The following ADCY2 variants were observed in gnomAD, a reference collection of about 807,000 sequenced individuals.
The protein encoded by ADCY2 is adenylate cyclase type 2.
Under a neutral mutation model 125.2 loss-of-function variants are expected in ADCY2, and 31 were observed. That is an observed-to-expected ratio of 0.25 (90% confidence interval 0.19 to 0.33). The LOEUF is 0.33. ADCY2 is among the 10% of genes least tolerant of loss of function. ADCY2 has a pLI of 1.00. For missense variants in ADCY2, 904 were observed against 1,418.2 expected (o/e 0.64, Z 5.82); for synonymous variants, 512 against 548.4 (o/e 0.93, Z 0.93).
intron 1 of ADCY2, among the ~76,000 whole-genome samples, chr5:7,411,060 C>T (rs1406883027): frequency 6.6e-6 from 1 of 152,174 alleles, no homozygotes; most frequent in Non-Finnish European, 1.5e-5. Context: ...CCTGTAAGCT[C>T]GTACATCCTC....
At chr5:7,434,956 A>G (rs1252179874) in intron 2 of ADCY2, among the ~76,000 whole-genome samples, 1 of 152,202 alleles carries the variant, frequency 6.6e-6, no homozygotes. Flanking sequence ...TTATTATTCA[A>G]TTGCTATTAA....
At chr5:7,809,175 C>A (rs1744856348) in intron 22 of ADCY2, among the ~76,000 whole-genome samples, 1 of 152,120 alleles carries the variant, frequency 6.6e-6, no homozygotes, top group Admixed American at 6.5e-5. Flanking sequence ...GGTACCATTG[C>A]TGACTCAAAT....
chr5:7,530,413 C>T (rs193031952), intron 3 of ADCY2, among the ~76,000 whole-genome samples: 2 of 152,172 alleles, frequency 1.3e-5, no homozygotes, highest in Admixed American at 1.3e-4. Flanking sequence ...GATTGACTGC[C>T]CTGACACTCA....
chr5:7,450,183 G>C (rs1741421611), intron 2 of ADCY2, among the ~76,000 whole-genome samples: 1 of 152,208 alleles, frequency 6.6e-6, no homozygotes, highest in Non-Finnish European at 1.5e-5. Flanking sequence ...AGGAAGGTAT[G>C]TCTTAAGTCA....
At chr5:7,798,473 G>C (rs1744492209) in intron 20 of ADCY2, 1 of 152,106 alleles carries the variant, frequency 6.6e-6, no homozygotes, top group Admixed American at 6.5e-5. Flanking sequence ...GGTGGAGAGA[G>C]AGTAGAAACC....
chr5:7,679,663 A>G (rs1292141112), intron 4 of ADCY2, among the ~76,000 whole-genome samples: 1 of 152,210 alleles, frequency 6.6e-6, no homozygotes, highest in Non-Finnish European at 1.5e-5. Flanking sequence ...CAGGTATGAA[A>G]GCAGGTTTCT....
At chr5:7,683,284 T>TGACC (rs1028053145) in intron 4 of ADCY2, among the ~76,000 whole-genome samples, 6 of 152,208 alleles carry the variant, frequency 3.9e-5, no homozygotes, top group Admixed American at 1.3e-4. Flanking sequence ...AGTGAATGAG[T>TGACC]GACCTCTCCC....
At chr5:7,784,012 CTCTT>C in intron 18 of ADCY2, among the ~76,000 whole-genome samples, 1 of 152,224 alleles carries the variant, frequency 6.6e-6, no homozygotes, top group East Asian at 1.9e-4. Context: ...AGCATACTGT[CTCTT>C]TCCGAGAGTA....
At position 7,784,399 on chromosome 5, in the gene ADCY2, T is replaced by C; in HGVS notation, c.2419T>C (p.Ser807Pro). 6.2e-7 allele frequency: 1 copy of C among 1,614,068 alleles called. No individual in the cohort carries two copies. The highest frequency in any genetic ancestry group is 8.5e-7 in the Non-Finnish European group (1 of 1,179,980). Residue 807 changes from serine (S) to proline (P), a missense_variant, in exon 19 of 25, where the codon TCT becomes CCT. Coordinates refer to ENST00000338316, the MANE Select transcript of ADCY2 (RefSeq NM_020546.3). The part of the protein sequence containing the change: ...GIWKDLKTMG[S>P]VSLSIFFITL... ...TTGGAAAGACCTGAAGACCATGGGC[T>C]CTGTGTCTCTCTCTATATTCTTCAT...
chr5:7,754,476 TATC>T (rs1742923523), intron 15 of ADCY2, among the ~76,000 whole-genome samples: 1 of 152,170 alleles, frequency 6.6e-6, no homozygotes. Flanking sequence ...GTACAGAAAT[TATC>T]ATAATTTCAC....
intron 1 of ADCY2, among the ~76,000 whole-genome samples, chr5:7,402,675 T>C (rs1282903173): frequency 2.0e-5 from 3 of 152,158 alleles, no homozygotes; most frequent in African/African-American, 7.2e-5. Flanking sequence ...TATCTCAGAG[T>C]TGAACCAAGT....
intron 16 of ADCY2, among the ~76,000 whole-genome samples, chr5:7,762,015 A>G (rs2126466531): frequency 6.6e-6 from 1 of 152,306 alleles, no homozygotes; most frequent in Non-Finnish European, 1.5e-5. Flanking sequence ...AATACTTTTA[A>G]TGTGCCTTCT....
intron 24 of ADCY2, among the ~76,000 whole-genome samples, chr5:7,824,667 C>G (rs1451582590): frequency 6.6e-6 from 1 of 152,230 alleles, no homozygotes; most frequent in Non-Finnish European, 1.5e-5. Flanking sequence ...CTTTTCCTTT[C>G]TGCTCTGCTC....
intron 5 of ADCY2, among the ~76,000 whole-genome samples, chr5:7,692,794 A>G (rs954566850): frequency 6.6e-6 from 1 of 151,986 alleles, no homozygotes; most frequent in African/African-American, 2.4e-5. Flanking sequence ...TTTCTTTTCC[A>G]TAAATCAAGT....
At chr5:7,563,504 T>C (rs1735792424) in intron 3 of ADCY2, among the ~76,000 whole-genome samples, 1 of 152,160 alleles carries the variant, frequency 6.6e-6, no homozygotes, top group South Asian at 2.1e-4. Context: ...AAGATCAAAA[T>C]GTGCAGGCTG....
At chr5:7,433,481 C>T (rs1480264638) in intron 2 of ADCY2, among the ~76,000 whole-genome samples, 3 of 152,036 alleles carry the variant, frequency 2.0e-5, no homozygotes. Flanking sequence ...TTTAATATTC[C>T]TGAAATGCGA....
chr5:7,615,321 C>T (rs58465465), intron 3 of ADCY2, among the ~76,000 whole-genome samples: 20 of 152,286 alleles, frequency 1.3e-4, no homozygotes, highest in African/African-American at 4.8e-4. Context: ...ATCTCTGGGG[C>T]ACTTCTGAAT....
intron 3 of ADCY2, among the ~76,000 whole-genome samples, chr5:7,613,633 C>A (rs560225303): frequency 6.6e-6 from 1 of 152,224 alleles, no homozygotes. Flanking sequence ...ATCTCATAGG[C>A]GTGACTGACT....
At chr5:7,626,982 TCAA>T (rs1416265213) in intron 4 of ADCY2, among the ~76,000 whole-genome samples, 2 of 152,166 alleles carry the variant, frequency 1.3e-5, no homozygotes, top group Admixed American at 6.5e-5. Context: ...CCAACCATCA[TCAA>T]CAAGTGGCTG....
Sources: allele counts gnomAD v4.1 joint callset (sites outside exome capture counted in the v4.1 genomes callset), GRCh38; gene constraint gnomAD v4.1.1; transcripts MANE v1.5; gene names NCBI Gene and HGNC (gene_info 2026-07-23, HGNC 2026-07-21).